Variants in FAF1 observed in about 807,000 individuals in gnomAD.
FAF1 encodes Fas associated factor 1, also known as FAS-associated factor 1.
Under a neutral mutation model 92.5 loss-of-function variants are expected in FAF1, and 25 were observed. The observed-to-expected ratio is 0.27, with a 90% CI of 0.20 to 0.38. The LOEUF is 0.38. FAF1 is among the 10% of genes least tolerant of loss of function. The pLI is 1.00. For synonymous variants in FAF1, 234 were observed against 273.2 expected, an observed-to-expected ratio of 0.86 and a Z score of 1.42; for missense variants, 636 against 793.3, an observed-to-expected ratio of 0.80 and a Z score of 2.38.
chr1:50,605,350 T>C (rs1448277157), intron 8 of FAF1, among the ~76,000 whole-genome samples: 1 of 152,200 alleles, frequency 6.6e-6, no homozygotes, highest in African/African-American at 2.4e-5. Flanking sequence ...AAAATACTTC[T>C]GAAGAGCATT....
At chr1:50,862,285 C>A (rs1050576855) in intron 1 of FAF1, among the ~76,000 whole-genome samples, 8 of 151,822 alleles carry the variant, frequency 5.3e-5, no homozygotes, top group African/African-American at 1.7e-4. Flanking sequence ...ACTCAGTAGA[C>A]AAAGTCTATC....
chr1:50,488,282 T>C (rs995118385), intron 17 of FAF1, among the ~76,000 whole-genome samples: 2 of 152,214 alleles, frequency 1.3e-5, no homozygotes, highest in African/African-American at 4.8e-5. Flanking sequence ...ATTATGTTTA[T>C]AGGGTCTTCT....
intron 2 of FAF1, among the ~76,000 whole-genome samples, chr1:50,808,844 T>G (rs543586347): frequency 9.2e-5 from 14 of 152,186 alleles, no homozygotes; most frequent in Non-Finnish European, 1.5e-4. Flanking sequence ...GAGTGATTTT[T>G]GGATCATTCA....
chr1:50,800,793 G>GT (rs1235511335), intron 3 of FAF1, among the ~76,000 whole-genome samples: 1 of 152,092 alleles, frequency 6.6e-6, no homozygotes, highest in Non-Finnish European at 1.5e-5. Flanking sequence ...CTAATCTGCT[G>GT]TTTCTGTTCG....
At chr1:50,545,738 T>C (rs1448467740) in intron 13 of FAF1, among the ~76,000 whole-genome samples, 1 of 152,234 alleles carries the variant, frequency 6.6e-6, no homozygotes, top group Non-Finnish European at 1.5e-5. Flanking sequence ...TCATGGGCAA[T>C]TTGCCAATAA....
intron 1 of FAF1, among the ~76,000 whole-genome samples, chr1:50,871,218 A>G (rs1478909381): frequency 1.3e-5 from 2 of 152,258 alleles, no homozygotes; most frequent in African/African-American, 4.8e-5. Context: ...AAGTTCAAGG[A>G]AGGAAGTCAT....
intron 2 of FAF1, among the ~76,000 whole-genome samples, chr1:50,856,076 C>A: frequency 6.6e-6 from 1 of 151,710 alleles, no homozygotes; most frequent in African/African-American, 2.4e-5. Context: ...AGTGTTTTAA[C>A]CTTCAAAATT....
chr1:50,617,649 G>C (rs1251149081), intron 8 of FAF1, among the ~76,000 whole-genome samples: 1 of 149,586 alleles, frequency 6.7e-6, no homozygotes, highest in Non-Finnish European at 1.5e-5. Context: ...TTAGGGTGAC[G>C]CTGGCCTCAC....
Position 50,653,456 on chromosome 1 carries a change from T to A in FAF1, c.744+1986A>T, listed in dbSNP as rs891210227. Among the ~76,000 whole-genome samples, 8 of 152,160 alleles carry A rather than the reference T, an allele frequency of 5.3e-5. No individual in the cohort carries two copies. In the East Asian group the frequency reaches 1.5e-3, roughly 29 times the overall value. On this transcript the variant is annotated intron_variant, in intron 8 of 18. Transcript: ENST00000396153. ...ACCTCCCCCTCCCAGGTTCAAGTGA[T>A]CCTCCTGCTTTAGCCCCCCAAGTAG...
intron 1 of FAF1, among the ~76,000 whole-genome samples, chr1:50,891,158 T>C (rs57095912): frequency 1.3e-5 from 2 of 152,328 alleles, no homozygotes; most frequent in East Asian, 1.9e-4. Context: ...AAATCGGCTA[T>C]TGAAGCTTGT....
intron 4 of FAF1, among the ~76,000 whole-genome samples, chr1:50,754,453 A>C (rs956186424): frequency 4.6e-5 from 7 of 152,170 alleles, no homozygotes; most frequent in African/African-American, 1.4e-4. Context: ...ACTATTACCA[A>C]TTTTGTTCCC....
intron 1 of FAF1, among the ~76,000 whole-genome samples, chr1:50,887,707 G>C (rs1455389425): frequency 6.6e-6 from 1 of 151,978 alleles, no homozygotes; most frequent in Non-Finnish European, 1.5e-5. Context: ...GCATTATTTT[G>C]GAGGGCTCTG....
chr1:50,758,345 C>A (rs2090013), intron 4 of FAF1, among the ~76,000 whole-genome samples: 3 of 152,200 alleles, frequency 2.0e-5, no homozygotes, highest in African/African-American at 7.2e-5. Context: ...TAAGCCACCA[C>A]GCCCAGCACA....
intron 1 of FAF1, among the ~76,000 whole-genome samples, chr1:50,874,393 ACT>A (rs1443878196): frequency 6.6e-6 from 1 of 151,958 alleles, no homozygotes; most frequent in Non-Finnish European, 1.5e-5. Flanking sequence ...ACAGAGTCTC[ACT>A]CTGTCACCTA....
At chr1:50,923,232 A>C (rs958172979) in intron 1 of FAF1, among the ~76,000 whole-genome samples, 1 of 152,138 alleles carries the variant, frequency 6.6e-6, no homozygotes, top group Non-Finnish European at 1.5e-5. Context: ...CGGCCTGGGC[A>C]ATATAGAAAA....
intron 12 of FAF1, among the ~76,000 whole-genome samples, chr1:50,568,736 C>T (rs1650285975): frequency 6.6e-6 from 1 of 152,166 alleles, no homozygotes; most frequent in Admixed American, 6.6e-5. Context: ...GATTGTCTAA[C>T]TCCAAGTCCA....
chr1:50,685,177 T>TA (rs1432007439), intron 7 of FAF1, among the ~76,000 whole-genome samples: 1 of 152,196 alleles, frequency 6.6e-6, no homozygotes, highest in African/African-American at 2.4e-5. Context: ...CACATCCTTT[T>TA]AAAAAATTTA....
chr1:50,612,853 T>C (rs1652742062), intron 8 of FAF1, among the ~76,000 whole-genome samples: 1 of 152,246 alleles, frequency 6.6e-6, no homozygotes, highest in Non-Finnish European at 1.5e-5. Context: ...AAGTAATTTT[T>C]TTCCTTCTGC....
intron 15 of FAF1, among the ~76,000 whole-genome samples, chr1:50,506,931 T>G (rs989066252): frequency 6.6e-6 from 1 of 152,200 alleles, no homozygotes; most frequent in Non-Finnish European, 1.5e-5. Context: ...TTCCTGCCAT[T>G]ACTGCCATTA....
Sources: allele counts gnomAD v4.1 joint callset (sites outside exome capture counted in the v4.1 genomes callset), GRCh38; gene constraint gnomAD v4.1.1; transcripts MANE v1.5; gene names NCBI Gene and HGNC (gene_info 2026-07-23, HGNC 2026-07-21).